PCDHA10: variants seen among roughly 807,000 people sequenced by gnomAD.
The protein encoded by PCDHA10 is protocadherin alpha 10.
PCDHA10 carries 45 observed loss-of-function variants against 61.2 expected under a neutral mutation model. That is an observed-to-expected ratio of 0.74 (90% CI 0.58 to 0.94). PCDHA10 has a LOEUF of 0.94. PCDHA10 is among the 40% of genes least tolerant of loss of function. The pLI is 0.00. For missense variants in PCDHA10, 1,278 were observed against 1,236.2 expected (o/e 1.03, Z -0.51); for synonymous variants, 602 against 548.8 (o/e 1.10, Z -1.35).
At chr5:140,913,969 AT>A (rs1304513966) in intron 1 of PCDHA10, among the ~76,000 whole-genome samples, 3 of 152,098 alleles carry the variant, frequency 2.0e-5, no homozygotes, top group Admixed American at 2.0e-4. Context: ...TTAAAAAAAT[AT>A]TTTAGGACTT....
chr5:140,868,170 A>G (rs926308746), intron 1 of PCDHA10: 1 of 152,132 alleles, frequency 6.6e-6, no homozygotes, highest in Non-Finnish European at 1.5e-5. Flanking sequence ...CTAAATTTTG[A>G]TATCTCATAT....
intron 3 of PCDHA10, among the ~76,000 whole-genome samples, chr5:140,991,807 C>T (rs782693963): frequency 4.6e-5 from 7 of 152,278 alleles, no homozygotes; most frequent in Admixed American, 6.5e-5. Context: ...AGGCCACTTC[C>T]GCATTTTTAG....
intron 1 of PCDHA10, chr5:140,867,441 G>A (rs1188505395): frequency 1.3e-5 from 2 of 152,032 alleles, no homozygotes; most frequent in African/African-American, 4.8e-5. Flanking sequence ...GCATTTACCT[G>A]AATTAGAGTT....
At chr5:140,900,512 G>T (rs1191935182) in intron 1 of PCDHA10, among the ~76,000 whole-genome samples, 4 of 152,300 alleles carry the variant, frequency 2.6e-5, no homozygotes, top group Middle Eastern at 3.4e-3. Context: ...CCCAGCCTCA[G>T]GTGATCTGCC....
In PCDHA10 at chr5:140,869,747, C is replaced by G. The variant is rs1554163400; in HGVS notation, c.2388+11311C>G. 1.2e-6 allele frequency: 2 copies of G among 1,613,158 alleles called. No individual in the cohort carries two copies. Reference sequence around the variant, plus strand: ...GAACTTAATTTGCTGCTAACAGCTACAGACGGGGGAAAACCAGAGCTTACT... The same window carrying G: ...GAACTTAATTTGCTGCTAACAGCTAGAGACGGGGGAAAACCAGAGCTTACT... On this transcript the variant is annotated intron_variant, in intron 1 of 3. Coordinates refer to ENST00000307360, the MANE Select transcript of PCDHA10 (RefSeq NM_018901.4).
At chr5:140,948,857 T>C (rs1554218731) in intron 1 of PCDHA10, among the ~76,000 whole-genome samples, 2 of 151,686 alleles carry the variant, frequency 1.3e-5, no homozygotes. Flanking sequence ...TGCCTTCTTA[T>C]ATTACTTCGG....
chr5:140,988,051 T>C (rs903060920), intron 3 of PCDHA10, among the ~76,000 whole-genome samples: 2 of 152,240 alleles, frequency 1.3e-5, no homozygotes, highest in African/African-American at 2.4e-5. Flanking sequence ...TTAGGAGCAC[T>C]GTCAACATGA....
intron 1 of PCDHA10, chr5:140,875,191 C>A: frequency 4.0e-6 from 2 of 502,492 alleles, no homozygotes; most frequent in Non-Finnish European, 6.4e-6. Flanking sequence ...TAAGAGTGAC[C>A]CAGGAAGTGG....
intron 3 of PCDHA10, among the ~76,000 whole-genome samples, chr5:141,004,826 G>A (rs2098183640): frequency 6.6e-6 from 1 of 152,112 alleles, no homozygotes; most frequent in East Asian, 1.9e-4. Flanking sequence ...GATTAACTTA[G>A]ATAGATCAAA....
At chr5:140,919,614 T>C (rs1186816141) in intron 1 of PCDHA10, among the ~76,000 whole-genome samples, 1 of 152,212 alleles carries the variant, frequency 6.6e-6, no homozygotes, top group Non-Finnish European at 1.5e-5. Flanking sequence ...TTAAACTGTA[T>C]CTTTTGAGTT....
At chr5:140,953,900 C>G (rs1040959969) in intron 1 of PCDHA10, among the ~76,000 whole-genome samples, 4 of 152,126 alleles carry the variant, frequency 2.6e-5, no homozygotes, top group Non-Finnish European at 5.9e-5. Context: ...GTATTAAGCC[C>G]AGCATCCATT....
chr5:140,961,037 A>C (rs1222978592), intron 1 of PCDHA10, among the ~76,000 whole-genome samples: 2 of 152,188 alleles, frequency 1.3e-5, no homozygotes, highest in African/African-American at 4.8e-5. Flanking sequence ...CCTTGTTTTG[A>C]GTCATTAACA....
At chr5:140,874,554 TTC>T (rs2054993631) in intron 1 of PCDHA10, among the ~76,000 whole-genome samples, 1 of 152,236 alleles carries the variant, frequency 6.6e-6, no homozygotes, top group African/African-American at 2.4e-5. Flanking sequence ...TAAGAGATCT[TTC>T]GCATTTTAGT....
chr5:140,994,314 C>T (rs936811729), intron 3 of PCDHA10, among the ~76,000 whole-genome samples: 4 of 152,192 alleles, frequency 2.6e-5, no homozygotes, highest in African/African-American at 9.6e-5. Flanking sequence ...AGGGCCCAAA[C>T]ACTCTCAGCA....
intron 1 of PCDHA10, chr5:140,884,300 G>C (rs2060088357): frequency 6.2e-7 from 1 of 1,613,712 alleles, no homozygotes; most frequent in Non-Finnish European, 8.5e-7. Context: ...AGCGCCACAG[G>C]CTTCGTCGAG....
At position 140,946,014 on chromosome 5, in the gene PCDHA10, C is replaced by T. The variant is rs116323983; in HGVS notation, c.2389-32935C>T. On this transcript the variant is annotated intron_variant, in intron 1 of 3. Coordinates refer to ENST00000307360, the MANE Select transcript of PCDHA10 (RefSeq NM_018901.4). ...ATTGCATCAAACTAAAAAGCTCCTG[C>T]GCAGCAAAGAAAACAAGAGTGAAGG... Among the ~76,000 whole-genome samples, 849 of 151,986 alleles carry T rather than the reference C, an allele frequency of 5.6e-3. 7 individuals carry two copies. The highest frequency in any genetic ancestry group is 0.02 in the African/African-American group (814 of 41,504).
intron 1 of PCDHA10, among the ~76,000 whole-genome samples, chr5:140,897,980 A>C (rs1313292712): frequency 6.6e-6 from 1 of 152,206 alleles, no homozygotes. Context: ...GGCTGCATAA[A>C]TGTCTTCTTT....
Position 140,856,069 on chromosome 5 carries a change from C to A in PCDHA10, c.21C>A (p.Cys7Ter), listed in dbSNP as rs149846721. MVSRCS[C>*]LGVQCLLLSL... ...ATAAGATGGTTTCCAGATGTAGCTG[C>A]CTGGGGGTCCAGTGTCTGCTGCTCT... Residue 7 changes from cysteine (C) to a stop codon, truncating the protein, a stop_gained, in exon 1 of 4, where the codon TGC becomes TGA. Coordinates refer to ENST00000307360, the MANE Select transcript of PCDHA10 (RefSeq NM_018901.4). LOFTEE classifies it high-confidence loss of function. 5 of 1,591,600 alleles carry A rather than the reference C, an allele frequency of 3.1e-6. 1 individual carries two copies. Among genetic ancestry groups the A allele is most frequent in the Non-Finnish European group, 4.3e-6 (5 of 1,163,516 alleles).
At position 140,856,409 on chromosome 5, in the gene PCDHA10, G is replaced by A; in HGVS notation, c.361G>A (p.Glu121Lys). 1.3e-6 allele frequency: 2 copies of A among 1,598,530 alleles called. 1 individual carries two copies. Among genetic ancestry groups the A allele is most frequent in the Non-Finnish European group, 1.7e-6 (2 of 1,167,974 alleles). Residue 121 changes from glutamate to lysine, a missense_variant, in exon 1 of 4, where the codon GAA (glutamate) becomes AAA (lysine). By Grantham distance (56) the Glu-to-Lys change is moderately conservative (BLOSUM62 1). Coordinates refer to ENST00000307360, the MANE Select transcript of PCDHA10 (RefSeq NM_018901.4). ...RPLQVFHVDV[E>K]VKDINDNPPR... ...GCTGCAGGTTTTCCATGTGGACGTG[G>A]AAGTGAAGGACATTAACGACAACCC...
Sources: allele counts gnomAD v4.1 joint callset (sites outside exome capture counted in the v4.1 genomes callset), GRCh38; gene constraint gnomAD v4.1.1; transcripts MANE v1.5; gene names NCBI Gene and HGNC (gene_info 2026-07-23, HGNC 2026-07-21).